The following RARB variants were observed in gnomAD, a reference collection of about 807,000 sequenced individuals.
The protein encoded by RARB is retinoic acid receptor beta.
RARB carries 17 observed loss-of-function variants against 51.9 expected under a neutral mutation model. That is an observed-to-expected ratio of 0.33 (90% CI 0.22 to 0.49). The LOEUF (loss-of-function observed/expected upper bound fraction) is 0.49, where lower values mean the gene tolerates loss of function less well. Ranked by LOEUF, RARB falls within the 20% of genes least tolerant of loss-of-function variation. The pLI is 0.99. For missense variants in RARB, 369 were observed against 550.8 expected (o/e 0.67, Z 3.30); for synonymous variants, 215 against 195.4 (o/e 1.10, Z -0.84).
chr3:25,395,707 A>G (rs1409758485), intron 5 of RARB, among the ~76,000 whole-genome samples: 1 of 151,982 alleles, frequency 6.6e-6, no homozygotes, highest in Non-Finnish European at 1.5e-5. Flanking sequence ...ACTTTGCAGT[A>G]TATTTTGGAT....
chr3:25,335,103 C>T (rs1017103442), intron 5 of RARB, among the ~76,000 whole-genome samples: 1 of 152,176 alleles, frequency 6.6e-6, no homozygotes, highest in Non-Finnish European at 1.5e-5. Flanking sequence ...GGCAACTTCT[C>T]TCTGCCTCTG....
intron 5 of RARB, among the ~76,000 whole-genome samples, chr3:25,249,579 T>C (rs1219746906): frequency 1.3e-5 from 2 of 152,164 alleles, no homozygotes; most frequent in Admixed American, 1.3e-4. Flanking sequence ...TTTTTTAATT[T>C]GCTTTTGTAG....
intron 5 of RARB, among the ~76,000 whole-genome samples, chr3:25,210,948 C>A (rs918925728): frequency 3.9e-5 from 6 of 152,108 alleles, no homozygotes; most frequent in South Asian, 2.1e-4. Context: ...GGTCCAGACA[C>A]TTATTTGCGA....
intron 3 of RARB, among the ~76,000 whole-genome samples, chr3:25,129,757 A>G (rs889440661): frequency 1.3e-5 from 2 of 152,028 alleles, no homozygotes; most frequent in African/African-American, 4.8e-5. Flanking sequence ...GTTTTTGCAT[A>G]TGGTTGGAAT....
At chr3:25,003,751 C>G (rs927214321) in intron 2 of RARB, among the ~76,000 whole-genome samples, 6 of 151,994 alleles carry the variant, frequency 3.9e-5, no homozygotes, top group Admixed American at 6.6e-5. Context: ...AGTAAGAAAA[C>G]CATTACTTGC....
At chr3:25,482,274 C>G (rs2125582777) in intron 2 of RARB, among the ~76,000 whole-genome samples, 1 of 152,248 alleles carries the variant, frequency 6.6e-6, no homozygotes, top group Middle Eastern at 3.4e-3. Context: ...CAGGCTGAGA[C>G]AAAGATTACT....
intron 5 of RARB, among the ~76,000 whole-genome samples, chr3:25,420,631 C>A (rs1310214532): frequency 6.6e-6 from 1 of 152,146 alleles, no homozygotes; most frequent in East Asian, 1.9e-4. Context: ...CCTCTCACTG[C>A]CTTATATATT....
chr3:24,861,052 T>C (rs1702740202), intron 2 of RARB, among the ~76,000 whole-genome samples: 2 of 152,180 alleles, frequency 1.3e-5, no homozygotes, highest in Admixed American at 1.3e-4. Context: ...TGTCTTATAT[T>C]TGGCAAATAT....
intron 5 of RARB, among the ~76,000 whole-genome samples, chr3:25,373,010 C>A (rs1706350458): frequency 6.6e-6 from 1 of 152,028 alleles, no homozygotes; most frequent in Non-Finnish European, 1.5e-5. Context: ...AGTGTTTTTA[C>A]TGACAAGGAG....
intron 4 of RARB, among the ~76,000 whole-genome samples, chr3:25,171,019 T>C (rs1194965490): frequency 1.3e-5 from 2 of 152,138 alleles, no homozygotes; most frequent in Non-Finnish European, 2.9e-5. Context: ...AATCTTTTTT[T>C]TTTCATTTAG....
chr3:25,437,495 G>A (rs1708484349), intron 1 of RARB, among the ~76,000 whole-genome samples: 2 of 152,078 alleles, frequency 1.3e-5, no homozygotes, highest in Admixed American at 1.3e-4. Flanking sequence ...ATCAGACACT[G>A]TCCCTTCTCC....
At chr3:25,036,225 C>T (rs1331010295) in intron 2 of RARB, among the ~76,000 whole-genome samples, 2 of 152,090 alleles carry the variant, frequency 1.3e-5, no homozygotes, top group Non-Finnish European at 2.9e-5. Context: ...CTCCTTGCGG[C>T]AGTTGTATGA....
intron 2 of RARB, among the ~76,000 whole-genome samples, chr3:24,909,337 C>T (rs1218154257): frequency 1.3e-5 from 2 of 152,168 alleles, no homozygotes; most frequent in Non-Finnish European, 2.9e-5. Flanking sequence ...TGAATTAGCA[C>T]ACACATGATT....
At chr3:25,210,722 A>G (rs534056522) in intron 5 of RARB, among the ~76,000 whole-genome samples, 31 of 151,188 alleles carry the variant, frequency 2.1e-4, no homozygotes, top group African/African-American at 7.3e-4. Flanking sequence ...TTTATTGGAG[A>G]AGGGGTTTCA....
intron 5 of RARB, among the ~76,000 whole-genome samples, chr3:25,310,600 A>G (rs924084843): frequency 6.6e-6 from 1 of 152,208 alleles, no homozygotes; most frequent in East Asian, 1.9e-4. Flanking sequence ...ACACTTTAGA[A>G]GGAGTCCAGG....
chr3:25,198,383 A>G (rs1417943733), intron 5 of RARB, among the ~76,000 whole-genome samples: 1 of 152,102 alleles, frequency 6.6e-6, no homozygotes, highest in East Asian at 1.9e-4. Context: ...CTTGAGCAAT[A>G]CCCTACAAGC....
chr3:25,498,677 C>G (rs1246367679), intron 2 of RARB, among the ~76,000 whole-genome samples: 1 of 151,710 alleles, frequency 6.6e-6, no homozygotes, highest in Admixed American at 6.6e-5. Flanking sequence ...TGGTCACTGA[C>G]TAAGTGTTTG....
At chr3:25,456,959 T>C (rs1410506195) in intron 1 of RARB, among the ~76,000 whole-genome samples, 1 of 152,104 alleles carries the variant, frequency 6.6e-6, no homozygotes, top group Non-Finnish European at 1.5e-5. Flanking sequence ...CTGGGATAAA[T>C]AAGGCCTATA....
At chr3:25,554,458 C>T (rs975310323) in intron 3 of RARB, among the ~76,000 whole-genome samples, 1 of 151,928 alleles carries the variant, frequency 6.6e-6, no homozygotes. Flanking sequence ...CGTTTGTTGA[C>T]GTGTAGTCCT....
Sources: gnomAD v4.1 joint callset for allele counts (sites outside exome capture counted in the v4.1 genomes callset) on GRCh38, gnomAD v4.1.1 for gene constraint, MANE v1.5 for transcripts, NCBI Gene and HGNC (gene_info 2026-07-23, HGNC 2026-07-21) for gene names.